The following TCF12 variants were observed in gnomAD, a reference collection of about 807,000 sequenced individuals.
TCF12 encodes DNA-binding protein HTF4.
Under a neutral mutation model 86.0 loss-of-function variants are expected in TCF12, and 45 were observed. That is an observed-to-expected ratio of 0.52 (90% confidence interval 0.41 to 0.67). The LOEUF (loss-of-function observed/expected upper bound fraction) is 0.67. TCF12 is among the 30% of genes least tolerant of loss of function. TCF12 has a pLI of 0.00. For synonymous variants in TCF12, 330 were observed against 299.6 expected, an observed-to-expected ratio of 1.10 and a Z score of -1.05; for missense variants, 881 against 859.9, an observed-to-expected ratio of 1.02 and a Z score of -0.31.
In TCF12 at chr15:57,286,399, G is replaced by T. The variant is rs1379165049; in HGVS notation, c.*254G>T. The T allele has an allele frequency of 3.7e-6, 1 of 268,822 alleles. No individual in the cohort carries two copies. The highest frequency in any genetic ancestry group is 7.4e-6 in the Non-Finnish European group (1 of 134,664). 16.7% of individuals were successfully genotyped at this position (268,822 alleles called of 1,614,324 possible). On this transcript the variant is annotated 3_prime_UTR_variant, in exon 21 of 21. Transcript: ENST00000333725. Reference sequence around the variant, plus strand: ...AGATGTTTGCAACAAATCTTTTGTTGCAAGCAGTGTGTCGCTTCTGCACAA... The same window carrying T: ...AGATGTTTGCAACAAATCTTTTGTTTCAAGCAGTGTGTCGCTTCTGCACAA...
At position 57,287,752 on chromosome 15, in the gene TCF12, C is replaced by G. The variant is rs189000736; in HGVS notation, c.*1607C>G. The G allele has an allele frequency of 6.5e-6, 1 of 152,768 alleles. No individual in the cohort carries two copies. Among genetic ancestry groups the G allele is most frequent in the Non-Finnish European group, 1.5e-5 (1 of 68,024 alleles). 9.5% of individuals were successfully genotyped at this position (152,768 alleles called of 1,614,324 possible). Reference sequence around the variant, plus strand: ...AAAACAAGACAGAACTTCTGGTACTCTAATCAGGATGATTCCTAACAAGTC... The same window carrying G: ...AAAACAAGACAGAACTTCTGGTACTGTAATCAGGATGATTCCTAACAAGTC... On this transcript the variant is annotated 3_prime_UTR_variant, in exon 21 of 21. Transcript: ENST00000333725.
chr15:57,105,707 C>G (rs1294474164), intron 5 of TCF12, among the ~76,000 whole-genome samples: 3 of 152,182 alleles, frequency 2.0e-5, no homozygotes, highest in Admixed American at 2.0e-4. Flanking sequence ...CTACCACGCC[C>G]AACCATGAAA....
chr15:57,216,303 A>G (rs2058328161), intron 8 of TCF12, among the ~76,000 whole-genome samples: 1 of 152,140 alleles, frequency 6.6e-6, no homozygotes, highest in South Asian at 2.1e-4. Context: ...AATGATTCCT[A>G]TCTTGCTGTA....
chr15:57,158,570 C>G (rs2054283506), intron 5 of TCF12, among the ~76,000 whole-genome samples: 1 of 152,154 alleles, frequency 6.6e-6, no homozygotes, highest in Admixed American at 6.6e-5. Flanking sequence ...CATTTTAGCA[C>G]TTCTGCCAGA....
intron 18 of TCF12, among the ~76,000 whole-genome samples, chr15:57,267,124 GAT>G (rs2152075532): frequency 6.6e-6 from 1 of 152,300 alleles, no homozygotes; most frequent in South Asian, 2.1e-4. Context: ...ATTTATCAAT[GAT>G]ATGTGTATAT....
intron 3 of TCF12, among the ~76,000 whole-genome samples, chr15:56,941,055 C>T (rs1242698207): frequency 6.7e-6 from 1 of 149,446 alleles, no homozygotes; most frequent in Non-Finnish European, 1.5e-5. Flanking sequence ...GCCACCGTGC[C>T]AGGCCTTTAA....
chr15:57,002,588 G>A (rs1301332487), intron 3 of TCF12, among the ~76,000 whole-genome samples: 3 of 152,154 alleles, frequency 2.0e-5, no homozygotes, highest in African/African-American at 7.2e-5. Flanking sequence ...GCAAAAGACA[G>A]TTATCGGTCA....
chr15:57,265,026 G>A (rs532321912), intron 18 of TCF12, among the ~76,000 whole-genome samples: 1 of 151,368 alleles, frequency 6.6e-6, no homozygotes, highest in Admixed American at 6.6e-5. Flanking sequence ...CACCACACCC[G>A]GCCAACTTTT....
intron 3 of TCF12, among the ~76,000 whole-genome samples, chr15:56,987,775 T>C (rs2063266702): frequency 6.6e-6 from 1 of 152,262 alleles, no homozygotes; most frequent in Non-Finnish European, 1.5e-5. Context: ...TGTGGTATTC[T>C]AATTTAAATT....
chr15:56,954,709 T>C (rs151178442), intron 3 of TCF12, among the ~76,000 whole-genome samples: 1,546 of 152,256 alleles, frequency 0.01, 22 homozygotes, highest in East Asian at 0.061. Flanking sequence ...TACAAGGAAC[T>C]CAAACAAATT....
chr15:56,956,182 T>G (rs2061498050), intron 3 of TCF12, among the ~76,000 whole-genome samples: 1 of 151,990 alleles, frequency 6.6e-6, no homozygotes, highest in African/African-American at 2.4e-5. Context: ...TAGTCTAAAG[T>G]CTTTGCTTTT....
intron 3 of TCF12, among the ~76,000 whole-genome samples, chr15:56,996,808 C>A (rs1271810068): frequency 6.6e-6 from 1 of 152,078 alleles, no homozygotes; most frequent in Non-Finnish European, 1.5e-5. Context: ...TATAAAGGGA[C>A]AAAGGACATG....
intron 18 of TCF12, among the ~76,000 whole-genome samples, chr15:57,265,193 CAAA>C: frequency 6.6e-6 from 1 of 151,788 alleles, no homozygotes; most frequent in Non-Finnish European, 1.5e-5. Flanking sequence ...AGCAGGTCCT[CAAA>C]GAACATCATT....
At chr15:57,278,977 C>G (rs1160138021) in intron 19 of TCF12, among the ~76,000 whole-genome samples, 3 of 75,656 alleles carry the variant, frequency 4.0e-5, no homozygotes, top group Admixed American at 1.5e-4. Flanking sequence ...CTTTTCTTGT[C>G]TTGTATTTTC....
At chr15:56,986,977 GATA>G (rs1347203445) in intron 3 of TCF12, among the ~76,000 whole-genome samples, 1 of 152,164 alleles carries the variant, frequency 6.6e-6, no homozygotes, top group Admixed American at 6.5e-5. Context: ...GGCTGTTTTT[GATA>G]ATAAAAGAAT....
At chr15:57,022,724 C>T (rs1469440498) in intron 3 of TCF12, among the ~76,000 whole-genome samples, 1 of 152,198 alleles carries the variant, frequency 6.6e-6, no homozygotes, top group Non-Finnish European at 1.5e-5. Context: ...TCCTCTCCAG[C>T]ATCTGTTGTT....
intron 5 of TCF12, among the ~76,000 whole-genome samples, chr15:57,154,504 C>T (rs1596875948): frequency 6.6e-6 from 1 of 152,260 alleles, no homozygotes; most frequent in East Asian, 1.9e-4. Context: ...CCTTTTTCCT[C>T]TATGTTACAA....
intron 8 of TCF12, among the ~76,000 whole-genome samples, chr15:57,222,197 A>C (rs1416553908): frequency 6.6e-6 from 1 of 151,306 alleles, no homozygotes; most frequent in African/African-American, 2.4e-5. Context: ...TCCTGCTCTT[A>C]AACAGAAAGC....
chr15:57,226,834 TTAAA>T (rs1412313339), intron 8 of TCF12, among the ~76,000 whole-genome samples: 1 of 152,144 alleles, frequency 6.6e-6, no homozygotes, highest in African/African-American at 2.4e-5. Context: ...CAAGCAGTAT[TTAAA>T]TAAAATAAAA....
Sources: allele counts gnomAD v4.1 joint callset (sites outside exome capture counted in the v4.1 genomes callset), GRCh38; gene constraint gnomAD v4.1.1; transcripts MANE v1.5; gene names NCBI Gene and HGNC (gene_info 2026-07-23, HGNC 2026-07-21).